Variants in PDE4D observed in about 807,000 individuals in gnomAD.
PDE4D encodes phosphodiesterase 4D.
A neutral mutation model predicts 87.4 loss-of-function variants in PDE4D; 24 were observed. The ratio of observed to expected loss-of-function variants is 0.27; its 90% CI spans 0.20 to 0.39. The LOEUF (loss-of-function observed/expected upper bound fraction) is 0.39. Among genes scored for constraint, PDE4D ranks in the 10% least tolerant of loss-of-function variants. PDE4D has a pLI of 1.00. For missense variants in PDE4D, 714 were observed against 1,041.0 expected (o/e 0.69, Z 4.32); for synonymous variants, 384 against 383.2 (o/e 1.00, Z -0.02).
rs772230687 is a variant in PDE4D, at chr5:60,165,366, CTGTT to C, written c.42+20187_42+20190del. Among the ~76,000 whole-genome samples the C allele has an allele frequency of 6.6e-5, 10 of 151,698 alleles. No homozygotes were observed. In the South Asian group the frequency reaches 1.0e-3, roughly 16 times the overall value. ...TCTGTATTCTGTTCCATTGGTCTAT[CTGTT>C]TGTTTGTTTTTATGCTGATATCACG... is the stretch of plus-strand genomic sequence containing the variant. On this transcript the variant is annotated intron_variant, in intron 2 of 16. Transcript: ENST00000502484.
chr5:58,993,338 A>G, intron 7 of PDE4D, 34 bp downstream of exon 7: 1 of 1,289,906 alleles, frequency 7.8e-7, no homozygotes, highest in East Asian at 2.5e-5. Context: ...AAACAACTGA[A>G]GAAAAAAATT....
At chr5:59,488,803 T>C (rs1388771087) in intron 1 of PDE4D, among the ~76,000 whole-genome samples, 1 of 151,916 alleles carries the variant, frequency 6.6e-6, no homozygotes, top group Non-Finnish European at 1.5e-5. Flanking sequence ...TAAAATATTG[T>C]TGGATGTATT....
At chr5:60,502,488 TC>T (rs1475040217) in intron 1 of PDE4D, among the ~76,000 whole-genome samples, 1 of 152,104 alleles carries the variant, frequency 6.6e-6, no homozygotes, top group Non-Finnish European at 1.5e-5. Flanking sequence ...CAATGCGGGA[TC>T]TTTTTTGGTG....
At chr5:60,000,306 A>G (rs1447786759) in intron 2 of PDE4D, among the ~76,000 whole-genome samples, 2 of 152,176 alleles carry the variant, frequency 1.3e-5, no homozygotes, top group African/African-American at 4.8e-5. Flanking sequence ...TCAAATATCA[A>G]AGACAAAAAG....
chr5:58,991,739 T>C (rs569158427), intron 8 of PDE4D, 93 bp downstream of exon 8: 1 of 811,590 alleles, frequency 1.2e-6, no homozygotes, highest in African/African-American at 1.8e-5. Flanking sequence ...CCCCAATTAA[T>C]AAACTTTTCT....
At position 60,407,444 on chromosome 5, in the gene PDE4D, C is replaced by CTTT. The variant is rs70975385; in HGVS notation, c.-90+80495_-90+80497dup. On this transcript the variant is annotated intron_variant, in intron 1 of 16. Transcript: ENST00000502484. Reference sequence around the variant, plus strand: ...ATTTGTATTACATTTTTTCTTTTTCCTTTTTTTTTTTTTTTTTTTTTTTTT... The same window carrying CTTT: ...ATTTGTATTACATTTTTTCTTTTTCCTTTTTTTTTTTTTTTTTTTTTTTTTTTT... Among the ~76,000 whole-genome samples the CTTT allele has an allele frequency of 1.0e-3, 81 of 80,102 alleles. 2 individuals carry two copies. The highest frequency in any genetic ancestry group is 1.9e-3 in the African/African-American group (32 of 17,216). The allele number at this position is 80,102 out of a possible 152,430, so 52.6% of individuals were successfully genotyped here.
chr5:59,502,663 AGTGTGTGTGTGTGTGTGTGT>A (rs56100725), intron 1 of PDE4D, among the ~76,000 whole-genome samples: 14 of 135,254 alleles, frequency 1.0e-4, no homozygotes, highest in Admixed American at 3.7e-4. Context: ...TCCTTAAGGT[AGTGTGTGTGTGTGTGTGTGT>A]GTGTGTGTGT....
intron 2 of PDE4D, among the ~76,000 whole-genome samples, chr5:60,166,092 A>AATTT (rs897856113): frequency 1.3e-3 from 196 of 152,022 alleles, no homozygotes; most frequent in African/African-American, 4.5e-3. Context: ...CACTTTATAA[A>AATTT]ATTTATTTAT....
chr5:59,951,288 T>G (rs1228718515), intron 3 of PDE4D, among the ~76,000 whole-genome samples: 1 of 152,180 alleles, frequency 6.6e-6, no homozygotes, highest in Non-Finnish European at 1.5e-5. Context: ...GCAAAGGGAT[T>G]GAATTTTTTT....
chr5:59,566,324 T>C (rs1820874872), intron 1 of PDE4D, among the ~76,000 whole-genome samples: 1 of 152,150 alleles, frequency 6.6e-6, no homozygotes, highest in Non-Finnish European at 1.5e-5. Flanking sequence ...CTGCTGCCTT[T>C]ATATTAAACA....
At chr5:60,051,204 A>G (rs1312393189) in intron 2 of PDE4D, among the ~76,000 whole-genome samples, 2 of 152,194 alleles carry the variant, frequency 1.3e-5, no homozygotes, top group African/African-American at 4.8e-5. Context: ...ATAGGCATCT[A>G]CAGGACTCTC....
chr5:59,222,576 T>G (rs1327999590), intron 1 of PDE4D, among the ~76,000 whole-genome samples: 1 of 152,154 alleles, frequency 6.6e-6, no homozygotes, highest in Non-Finnish European at 1.5e-5. Context: ...AAGATCTTGC[T>G]GAATGTCGCT....
At chr5:59,496,769 C>T (rs1187296056) in intron 1 of PDE4D, among the ~76,000 whole-genome samples, 1 of 152,156 alleles carries the variant, frequency 6.6e-6, no homozygotes, top group Non-Finnish European at 1.5e-5. Flanking sequence ...CTCTCTCATC[C>T]CTCTTCAGTG....
chr5:60,278,303 G>A (rs1435745105), intron 1 of PDE4D, among the ~76,000 whole-genome samples: 1 of 152,094 alleles, frequency 6.6e-6, no homozygotes, highest in East Asian at 1.9e-4. Flanking sequence ...TCTTATATAA[G>A]TAAGGAATAA....
rs1050475388 is a variant in PDE4D, at chr5:60,230,620, C to T, written c.-89-44933G>A. ...CACTTTTAGGAAAGGAGAAGCTGGG[C>T]CTTCTTTCAATATTACAAAAGTATT... On this transcript the variant is annotated intron_variant, in intron 1 of 16. Coordinates refer to the PDE4D transcript ENST00000502484. 3.9e-5 allele frequency among the ~76,000 whole-genome samples: 6 copies of T among 152,032 alleles called. No homozygotes were observed. The South Asian group carries it at 1.2e-3, about 31-fold the overall frequency.
chr5:60,455,200 C>G (rs146212369), intron 1 of PDE4D, among the ~76,000 whole-genome samples: 1 of 152,104 alleles, frequency 6.6e-6, no homozygotes, highest in Non-Finnish European at 1.5e-5. Context: ...AAGCAAAATA[C>G]TTGGATATTG....
intron 2 of PDE4D, among the ~76,000 whole-genome samples, chr5:60,089,177 T>G (rs1454600756): frequency 1.3e-5 from 2 of 152,018 alleles, no homozygotes; most frequent in East Asian, 1.9e-4. Flanking sequence ...TAAACTTTAC[T>G]CTAGATCAAA....
At position 59,547,248 on chromosome 5, in the gene PDE4D, T is replaced by A. The variant is rs193251381; in HGVS notation, c.456-331280A>T. 1.0e-3 allele frequency among the ~76,000 whole-genome samples: 156 copies of A among 152,298 alleles called. 1 individual carries two copies. Among genetic ancestry groups the A allele is most frequent in the Admixed American group, 5.4e-3 (82 of 15,284 alleles). ...GCAAGAAGTAACATTTGAAATAAAT[T>A]TGTAACATTATCTGTGAATTTTATT... On this transcript the variant is annotated intron_variant, in intron 1 of 14. Coordinates refer to ENST00000340635, the MANE Select transcript of PDE4D (RefSeq NM_001104631.2).
At chr5:58,990,596 A>G (rs1561250023) in intron 9 of PDE4D, among the ~76,000 whole-genome samples, 1 of 152,170 alleles carries the variant, frequency 6.6e-6, no homozygotes, top group Admixed American at 6.5e-5. Flanking sequence ...ATGCAAAAAA[A>G]ATAACAAAAT....
Sources: gnomAD v4.1 joint callset for allele counts (sites outside exome capture counted in the v4.1 genomes callset) on GRCh38, gnomAD v4.1.1 for gene constraint, MANE v1.5 for transcripts, NCBI Gene and HGNC (gene_info 2026-07-23, HGNC 2026-07-21) for gene names.